MAST2: variants seen among roughly 807,000 people sequenced by gnomAD.
MAST2 encodes the protein microtubule-associated serine/threonine-protein kinase 2.
A neutral mutation model predicts 147.4 loss-of-function variants in MAST2; 70 were observed. The ratio of observed to expected loss-of-function variants is 0.47; its 90% CI spans 0.39 to 0.58. MAST2 has a LOEUF of 0.58. Ranked by LOEUF, MAST2 falls within the 20% of genes least tolerant of loss-of-function variation. MAST2 has a pLI of 0.00. For missense variants in MAST2, 2,080 were observed against 2,302.3 expected, an observed-to-expected ratio of 0.90 and a Z score of 1.98; for synonymous variants, 869 against 896.8, an observed-to-expected ratio of 0.97 and a Z score of 0.55.
chr1:46,024,899 A>G (rs1646338584), intron 15 of MAST2, among the ~76,000 whole-genome samples: 1 of 152,230 alleles, frequency 6.6e-6, no homozygotes, highest in Non-Finnish European at 1.5e-5. Context: ...TACAAAAGAA[A>G]GAGGTTTAGT....
In MAST2 at chr1:45,992,017, C is replaced by A. The variant is rs77916237; in HGVS notation, c.593-5707C>A. 7.1e-3 allele frequency among the ~76,000 whole-genome samples: 1,089 copies of A among 152,334 alleles called. 16 individuals are homozygous for A. Among genetic ancestry groups the A allele is most frequent in the African/African-American group, 0.025 (1,028 of 41,568 alleles). On this transcript the variant is annotated intron_variant, in intron 5 of 28. Coordinates refer to ENST00000361297, the MANE Select transcript of MAST2 (RefSeq NM_015112.3). ...GTGCCAGGATTACAAGTATGAGCCA[C>A]TGCACCCAGTCGTCTTTTCTTGCCT...
chr1:45,824,448 G>A lies in MAST2; in HGVS notation c.193G>A (p.Val65Ile). ...CTCTTTGAAGGATGTAGTAACTGGA[G>A]TTAGTCCCCTGCTCTTCAGGAAACT... ...EGKEQDVVTG[V>I]SPLLFRKLSN... The change falls in exon 2 of 29, where the codon GTT becomes ATT. Residue 65 changes from valine to isoleucine, a missense_variant. Val to Ile is a conservative substitution (Grantham distance 29). This residue lies in a region of MAST2 where 569 missense variants were observed against 642.5 expected (regional missense o/e 0.89). Coordinates refer to ENST00000361297, the MANE Select transcript of MAST2 (RefSeq NM_015112.3). The A allele has an allele frequency of 6.2e-7, 1 of 1,607,834 alleles. No individual in the cohort carries two copies. Among genetic ancestry groups the A allele is most frequent in the South Asian group, 1.1e-5 (1 of 90,078 alleles).
At chr1:45,949,147 A>G (rs1658551377) in intron 4 of MAST2, among the ~76,000 whole-genome samples, 1 of 151,436 alleles carries the variant, frequency 6.6e-6, no homozygotes, top group African/African-American at 2.4e-5. Flanking sequence ...CCTAAGCAGT[A>G]CCATCCTGGA....
intron 1 of MAST2, among the ~76,000 whole-genome samples, chr1:45,820,137 A>G (rs59091734): frequency 0.2 from 30,470 of 152,180 alleles, 3,568 homozygotes; most frequent in Non-Finnish European, 0.26. Context: ...CTGGAAATCT[A>G]TATGCAGATA....
chr1:45,825,483 A>T (rs944630595), intron 2 of MAST2, among the ~76,000 whole-genome samples: 15 of 149,960 alleles, frequency 1.0e-4, no homozygotes, highest in Non-Finnish European at 1.8e-4. Flanking sequence ...CCCAGGCTGG[A>T]GTTTAGTGGC....
At chr1:45,913,806 G>A (rs959794106) in intron 4 of MAST2, 2 of 1,180,436 alleles carry the variant, frequency 1.7e-6, no homozygotes. Flanking sequence ...CCAGTGTGAG[G>A]GCAAAACTTG....
At position 45,959,408 on chromosome 1, in the gene MAST2, A is replaced by G; in HGVS notation, c.523A>G (p.Ser175Gly). The stretch of plus-strand genomic sequence containing the variant: ...CAGTTGTCGGACAAGTAACCGCAAG[A>G]GCTTGATTGTGACCTCTAGCACATC... ...GSFCRTSNRK[S>G]LIVTSSTSPT... Residue 175 changes from serine to glycine, a missense_variant, in exon 5 of 29, where the codon AGC becomes GGC. By Grantham distance (56) the Ser-to-Gly change is moderately conservative. Around this residue, in one of 4 missense-constraint regions of MAST2, gnomAD observed 569 missense variants for 642.5 expected, o/e 0.89. Coordinates refer to ENST00000361297, the MANE Select transcript of MAST2 (RefSeq NM_015112.3). The G allele has an allele frequency of 6.2e-7, 1 of 1,613,792 alleles. No individual in the cohort carries two copies. The highest frequency in any genetic ancestry group is 8.5e-7 in the Non-Finnish European group (1 of 1,179,812).
chr1:46,012,230 T>G lies in MAST2; in HGVS notation c.1188+1291T>G, dbSNP rs568160614. Among the ~76,000 whole-genome samples the G allele has an allele frequency of 1.2e-4, 18 of 152,350 alleles. No homozygotes were observed. The East Asian group carries it at 3.5e-3, about 29-fold the overall frequency. On this transcript the variant is annotated intron_variant, in intron 10 of 28. Coordinates refer to ENST00000361297, the MANE Select transcript of MAST2 (RefSeq NM_015112.3). ...ATTACTGCATCAGGTAAAGGATTAA[T>G]GTAGAGTAACTTCCAAGTTTCCTGG...
At position 45,868,437 on chromosome 1, in the gene MAST2, A is replaced by G. The variant is rs147272707; in HGVS notation, c.469-13927A>G. Among the ~76,000 whole-genome samples the G allele has an allele frequency of 2.5e-3, 375 of 152,274 alleles. 1 individual carries two copies. Among genetic ancestry groups the G allele is most frequent in the Admixed American group, 6.4e-3 (98 of 15,290 alleles). On this transcript the variant is annotated intron_variant, in intron 3 of 28. Transcript: ENST00000361297. ...CTGTCTTCATTGTATAGACAGTGCA[A>G]TTTCCCAGGTTCTGAATTGAAAATA...
chr1:45,891,077 T>C (rs368024631), intron 4 of MAST2, among the ~76,000 whole-genome samples: 17 of 152,332 alleles, frequency 1.1e-4, no homozygotes, highest in African/African-American at 4.1e-4. Context: ...ATATGTGGTA[T>C]GTGTATGTGT....
chr1:46,034,020 AGT>A, intron 27 of MAST2, 51 bp from the exon 28 acceptor site: 1 of 1,606,108 alleles, frequency 6.2e-7, no homozygotes, highest in East Asian at 2.2e-5. Context: ...CTGGGGGTCC[AGT>A]GTGTGCTGTG....
intron 4 of MAST2, among the ~76,000 whole-genome samples, chr1:45,932,101 A>G (rs1655409990): frequency 6.6e-6 from 1 of 152,116 alleles, no homozygotes; most frequent in Admixed American, 6.5e-5. Flanking sequence ...TGCTGCTGTA[A>G]AGTTTTGCTG....
At chr1:45,989,770 A>G (rs1644790048) in intron 5 of MAST2, among the ~76,000 whole-genome samples, 1 of 152,040 alleles carries the variant, frequency 6.6e-6, no homozygotes, top group African/African-American at 2.4e-5. Context: ...GGCACCATTG[A>G]TTGTTTTACT....
chr1:45,946,801 T>G (rs1658099859), intron 4 of MAST2, among the ~76,000 whole-genome samples: 1 of 152,144 alleles, frequency 6.6e-6, no homozygotes, highest in Non-Finnish European at 1.5e-5. Flanking sequence ...ACAATAGTAG[T>G]CAAGGTGGTC....
At position 46,028,944 on chromosome 1, in the gene MAST2, T is replaced by C. The variant is rs1646524420; in HGVS notation, c.2218+11T>C. On this transcript the variant is annotated intron_variant, in intron 18 of 28. Coordinates refer to ENST00000361297, the MANE Select transcript of MAST2 (RefSeq NM_015112.3). ...GGCAGGTGATCAGTGGTAGGTACTATGCCCCTGGCCCAGTGGGGAAACAGA... is the reference window on the plus strand; with the variant it reads ...GGCAGGTGATCAGTGGTAGGTACTACGCCCCTGGCCCAGTGGGGAAACAGA... 1.3e-6 allele frequency: 2 copies of C among 1,558,724 alleles called. No individual in the cohort carries two copies. The highest frequency in any genetic ancestry group is 2.5e-5 in the South Asian group (2 of 80,956).
At chr1:45,871,099 T>A (rs892831634) in intron 3 of MAST2, among the ~76,000 whole-genome samples, 1 of 144,658 alleles carries the variant, frequency 6.9e-6, no homozygotes, top group Non-Finnish European at 1.5e-5. Context: ...AAAAAAAAAG[T>A]CCTGTTTGTA....
intron 4 of MAST2, among the ~76,000 whole-genome samples, chr1:45,959,185 G>GA (rs542328663): frequency 7.2e-4 from 109 of 152,274 alleles, no homozygotes; most frequent in Middle Eastern, 3.4e-3. Context: ...TCAAGGCAGT[G>GA]AAAAAAGTTA....
intron 5 of MAST2, among the ~76,000 whole-genome samples, chr1:45,976,140 A>AT (rs1171666965): frequency 1.3e-4 from 19 of 151,920 alleles, no homozygotes; most frequent in African/African-American, 4.4e-4. Context: ...ACACCCAGCA[A>AT]ATTTTTTTTT....
rs113832952 is a variant in MAST2, at chr1:45,880,983, G to A, written c.469-1381G>A. Among the ~76,000 whole-genome samples the A allele has an allele frequency of 5.2e-3, 644 of 123,140 alleles. 2 individuals are homozygous for A. The highest frequency in any genetic ancestry group is 0.021 in the Admixed American group (259 of 12,482). 80.8% of individuals were successfully genotyped at this position (123,140 alleles called of 152,430 possible). The stretch of plus-strand genomic sequence containing the variant: ...CTCCATCTCAAAAAAAAAAAAAAAA[G>A]AAAAGAAAAAAGCAAATCTATAAAA... On this transcript the variant is annotated intron_variant, in intron 3 of 28. Coordinates refer to ENST00000361297, the MANE Select transcript of MAST2 (RefSeq NM_015112.3).
Sources: gnomAD v4.1 joint callset for allele counts (sites outside exome capture counted in the v4.1 genomes callset) on GRCh38, gnomAD v4.1.1 for gene constraint, gnomAD v4.1.1 regional missense constraint, MANE v1.5 for transcripts, NCBI Gene and HGNC (gene_info 2026-07-23, HGNC 2026-07-21) for gene names.